FRMPD3: variants seen among roughly 807,000 people sequenced by gnomAD.
FRMPD3 encodes FERM and PDZ domain containing 3, also known as FERM and PDZ domain-containing protein 3.
A neutral mutation model predicts 97.9 loss-of-function variants in FRMPD3; 42 were observed. That is an observed-to-expected ratio of 0.43 (90% CI 0.34 to 0.55). The LOEUF is 0.55. Among genes scored for constraint, FRMPD3 ranks in the 20% least tolerant of loss-of-function variants. The pLI, the probability that FRMPD3 is intolerant of heterozygous loss-of-function variation, is 0.03. For synonymous variants in FRMPD3, 577 were observed against 581.1 expected (o/e 0.99, Z 0.10); for missense variants, 1,303 against 1,457.7 (o/e 0.89, Z 1.73).
chrX:107,485,512 C>G (rs1431240161), intron 1 of FRMPD3, among the ~76,000 whole-genome samples: 2 of 112,595 alleles, frequency 1.8e-5, no homozygotes, highest in Non-Finnish European at 3.8e-5. Flanking sequence ...AGGTTTCTTC[C>G]TGGGTTTAAT....
chrX:107,532,243 G>A (rs1298804731), intron 3 of FRMPD3, among the ~76,000 whole-genome samples: 2 of 112,794 alleles, frequency 1.8e-5, no homozygotes, highest in Non-Finnish European at 3.7e-5. Flanking sequence ...GTCAATGTTG[G>A]CCTCATTGAA....
rs934057392 is a variant in FRMPD3 at position 107,561,822 on chromosome X, A to G, written c.1026+969A>G. On this transcript the variant is annotated intron_variant, in intron 10 of 14. Coordinates refer to ENST00000683843, the MANE Select transcript of FRMPD3 (RefSeq NM_001388459.1). Reference sequence around the variant, plus strand: ...TATTTAATCAGATTGTTTTCTTCTCAACTGAGAGCATCAGTGCTCACCACC... The same window carrying G: ...TATTTAATCAGATTGTTTTCTTCTCGACTGAGAGCATCAGTGCTCACCACC... 2.7e-5 allele frequency among the ~76,000 whole-genome samples: 3 copies of G among 112,531 alleles called. No individual in the cohort carries two copies. In the Admixed American group the frequency reaches 2.8e-4, roughly 11 times the overall value.
At chrX:107,560,505 G>A in intron 9 of FRMPD3, 112 bp downstream of exon 9, 3 of 985,550 alleles carry the variant, frequency 3.0e-6, no homozygotes, top group Non-Finnish European at 4.1e-6. Flanking sequence ...GGATGGGAGT[G>A]AGAATTGGAG....
chrX:107,525,770 C>A, intron 1 of FRMPD3: 1 of 487,274 alleles, frequency 2.1e-6, no homozygotes, highest in South Asian at 2.9e-5. Context: ...AAGATGTATT[C>A]AAGTTTAAAA....
chrX:107,510,806 T>A (rs1922146061), intron 1 of FRMPD3, among the ~76,000 whole-genome samples: 1 of 112,373 alleles, frequency 8.9e-6, no homozygotes. Flanking sequence ...CCTCTGTTCA[T>A]GTACCTTCCT....
intron 4 of FRMPD3, among the ~76,000 whole-genome samples, chrX:107,540,809 C>T (rs1455399924): frequency 1.8e-5 from 2 of 112,086 alleles, no homozygotes; most frequent in Non-Finnish European, 3.8e-5. Flanking sequence ...TTTCTGGGCC[C>T]CACTCTTCCA....
Position 107,563,106 on chromosome X carries a change from C to T in FRMPD3, c.1027-5C>T. ...TCTCATATTTCTGGATGGGTTTTTCCACAGGGCTCTGCAATTCAGGCAAAG... is the reference window on the plus strand; with the variant it reads ...TCTCATATTTCTGGATGGGTTTTTCTACAGGGCTCTGCAATTCAGGCAAAG... On this transcript the variant is annotated splice_region_variant and splice_polypyrimidine_tract_variant and intron_variant, in intron 10 of 14. Coordinates refer to ENST00000683843, the MANE Select transcript of FRMPD3 (RefSeq NM_001388459.1). 8.3e-7 allele frequency: 1 copy of T among 1,204,941 alleles called. No individual in the cohort carries two copies. Among genetic ancestry groups the T allele is most frequent in the Non-Finnish European group, 1.1e-6 (1 of 890,695 alleles).
intron 13 of FRMPD3, among the ~76,000 whole-genome samples, chrX:107,583,334 C>T (rs1291655895): frequency 4.5e-5 from 5 of 110,244 alleles, no homozygotes; most frequent in Non-Finnish European, 9.5e-5. Context: ...TAAGAACATG[C>T]GATGTTTGGT....
chrX:107,560,244 C>A lies in FRMPD3; in HGVS notation c.763-13C>A. 2.5e-6 allele frequency: 3 copies of A among 1,206,885 alleles called. No individual in the cohort carries two copies. The highest frequency in any genetic ancestry group is 3.4e-6 in the Non-Finnish European group (3 of 893,975). On this transcript the variant is annotated splice_polypyrimidine_tract_variant and intron_variant, in intron 8 of 14. Transcript: ENST00000683843. ...TCCTTCAGCTGATAGGTTTGGACTG[C>A]CCTCTCTCACAGAGTCGGAATGATG...
intron 7 of FRMPD3, among the ~76,000 whole-genome samples, 180 bp from the exon 8 acceptor site, chrX:107,554,205 T>C (rs1225693497): frequency 9.0e-6 from 1 of 111,317 alleles, no homozygotes; most frequent in Admixed American, 9.6e-5. Flanking sequence ...AGAAAAGACC[T>C]GACTCCTCAC....
chrX:107,564,267 C>T (rs1339550489), intron 11 of FRMPD3, among the ~76,000 whole-genome samples: 1 of 112,641 alleles, frequency 8.9e-6, no homozygotes, highest in Non-Finnish European at 1.9e-5. Context: ...TTCTTCCACC[C>T]ACCTACCACT....
At chrX:107,564,046 T>A (rs1210156652) in intron 11 of FRMPD3, among the ~76,000 whole-genome samples, 2 of 112,223 alleles carry the variant, frequency 1.8e-5, no homozygotes, top group African/African-American at 6.5e-5. Flanking sequence ...TCAAAGTGCC[T>A]ATAGACAGGC....
At chrX:107,488,643 A>T (rs1280121460) in intron 1 of FRMPD3, among the ~76,000 whole-genome samples, 1 of 111,637 alleles carries the variant, frequency 9.0e-6, no homozygotes, top group Non-Finnish European at 1.9e-5. Flanking sequence ...GCATCATCAT[A>T]TGCCAGCCAC....
intron 1 of FRMPD3, among the ~76,000 whole-genome samples, chrX:107,485,902 G>A (rs1921492144): frequency 8.9e-6 from 1 of 111,829 alleles, no homozygotes; most frequent in African/African-American, 3.3e-5. Flanking sequence ...GGGTAAGGCA[G>A]GATGATCCAT....
intron 9 of FRMPD3, 74 bp from the exon 10 acceptor site, chrX:107,560,653 A>G (rs1922317087): frequency 1.8e-6 from 2 of 1,081,446 alleles, no homozygotes; most frequent in African/African-American, 1.9e-5. Flanking sequence ...GATTCAGTCA[A>G]TTTCTGTCTT....
chrX:107,588,458 T>G (rs1210304245), intron 13 of FRMPD3, among the ~76,000 whole-genome samples: 1 of 111,135 alleles, frequency 9.0e-6, no homozygotes, highest in Non-Finnish European at 1.9e-5. Flanking sequence ...TTCTCCATGT[T>G]GGTCCAGCTG....
chrX:107,478,783 G>A (rs916871792), intron 1 of FRMPD3, among the ~76,000 whole-genome samples: 3 of 112,351 alleles, frequency 2.7e-5, no homozygotes, highest in African/African-American at 9.7e-5. Flanking sequence ...CAAGTGATTG[G>A]TGACCGTGTG....
chrX:107,558,055 A>G (rs1216882646), intron 8 of FRMPD3, among the ~76,000 whole-genome samples: 4 of 107,608 alleles, frequency 3.7e-5, no homozygotes, highest in African/African-American at 1.3e-4. Flanking sequence ...TTCTACCAAA[A>G]CCTGCTGTGA....
intron 1 of FRMPD3, among the ~76,000 whole-genome samples, chrX:107,452,656 A>G (rs1168851729): frequency 8.9e-6 from 1 of 111,803 alleles, no homozygotes; most frequent in African/African-American, 3.3e-5. Context: ...ATAGTGCAAC[A>G]GAGCCTCTAC....
Sources: gnomAD v4.1 joint callset for allele counts (sites outside exome capture counted in the v4.1 genomes callset) on GRCh38, gnomAD v4.1.1 for gene constraint, MANE v1.5 for transcripts, NCBI Gene and HGNC (gene_info 2026-07-23, HGNC 2026-07-21) for gene names.